DENND1A: variants seen among roughly 807,000 people sequenced by gnomAD.
DENND1A encodes DENN domain-containing protein 1A.
A neutral mutation model predicts 113.7 loss-of-function variants in DENND1A; 51 were observed. That is an observed-to-expected ratio of 0.45 (90% CI 0.36 to 0.57). The LOEUF (loss-of-function observed/expected upper bound fraction) is 0.57, where lower values mean the gene tolerates loss of function less well. Among genes scored for constraint, DENND1A ranks in the 20% least tolerant of loss-of-function variants. The probability of loss-of-function intolerance (pLI) is 0.00; values close to 1 mark genes in which losing one functional copy is unlikely to be tolerated. For synonymous variants in DENND1A, 565 were observed against 570.8 expected, an observed-to-expected ratio of 0.99 and a Z score of 0.14; for missense variants, 1,258 against 1,395.9, an observed-to-expected ratio of 0.90 and a Z score of 1.57.
intron 13 of DENND1A, among the ~76,000 whole-genome samples, chr9:123,542,015 C>T (rs2056325707): frequency 6.6e-6 from 1 of 152,208 alleles, no homozygotes; most frequent in Non-Finnish European, 1.5e-5. Flanking sequence ...ACTTTGCAAG[C>T]TTTCCTCTAC....
At position 123,452,352 on chromosome 9, in the gene DENND1A, A is replaced by G. The variant is rs1027928859; in HGVS notation, c.1228-5T>C. 3.1e-6 allele frequency: 5 copies of G among 1,613,834 alleles called. No individual in the cohort carries two copies. The highest frequency in any genetic ancestry group is 1.7e-5 in the Admixed American group (1 of 60,002). Reference sequence around the variant, plus strand: ...CAGAATTGCTCCACTTCCTTTCTATAATAAAAATGTCAATTAGCAATTTGG... The same window carrying G: ...CAGAATTGCTCCACTTCCTTTCTATGATAAAAATGTCAATTAGCAATTTGG... On this transcript the variant is annotated splice_polypyrimidine_tract_variant and splice_region_variant and intron_variant, in intron 16 of 23. Transcript: ENST00000394215.
At chr9:123,557,314 G>A (rs1470336309) in intron 13 of DENND1A, among the ~76,000 whole-genome samples, 2 of 152,196 alleles carry the variant, frequency 1.3e-5, no homozygotes, top group African/African-American at 2.4e-5. Context: ...TCTGACACGC[G>A]GTTGGGGCTT....
At chr9:123,769,461 T>C (rs1829367992) in intron 4 of DENND1A, 53 bp downstream of exon 4, 7 of 1,445,230 alleles carry the variant, frequency 4.8e-6, no homozygotes, top group Admixed American at 3.9e-5. Flanking sequence ...TTATTTTCTA[T>C]AGCAGGTTTA....
intron 9 of DENND1A, among the ~76,000 whole-genome samples, chr9:123,647,386 G>A (rs1404015035): frequency 4.6e-5 from 7 of 152,188 alleles, no homozygotes; most frequent in African/African-American, 1.7e-4. Flanking sequence ...GAGCCCAGCA[G>A]TGGCAACAAG....
chr9:123,873,503 T>C (rs1316313063), intron 2 of DENND1A, among the ~76,000 whole-genome samples: 1 of 152,210 alleles, frequency 6.6e-6, no homozygotes. Context: ...CTTTATCACC[T>C]CACATCTTTT....
intron 16 of DENND1A, 92 bp downstream of exon 16, chr9:123,454,647 C>T: frequency 1.5e-6 from 2 of 1,295,560 alleles, no homozygotes; most frequent in Non-Finnish European, 2.2e-6. Flanking sequence ...GAATGGAGTG[C>T]TCCAGGATGG....
intron 11 of DENND1A, among the ~76,000 whole-genome samples, chr9:123,595,625 C>T (rs898997294): frequency 6.6e-6 from 1 of 152,138 alleles, no homozygotes; most frequent in African/African-American, 2.4e-5. Context: ...GGGGTCCTGG[C>T]CTTTTCACTT....
intron 3 of DENND1A, among the ~76,000 whole-genome samples, chr9:123,788,306 AC>A (rs1832498930): frequency 6.6e-6 from 1 of 152,178 alleles, no homozygotes; most frequent in African/African-American, 2.4e-5. Flanking sequence ...TTAATTTCAA[AC>A]CATCCCATAC....
At chr9:123,623,466 G>A (rs752228628) in intron 10 of DENND1A, among the ~76,000 whole-genome samples, 5 of 152,182 alleles carry the variant, frequency 3.3e-5, no homozygotes, top group African/African-American at 9.6e-5. Context: ...GTTAATAAGA[G>A]ATAAGACTAA....
intron 1 of DENND1A, among the ~76,000 whole-genome samples, chr9:123,927,235 C>T (rs572896351): frequency 1.2e-4 from 19 of 152,210 alleles, no homozygotes; most frequent in South Asian, 2.1e-4. Context: ...TAGCAACTCA[C>T]GTGCTTTACC....
At chr9:123,392,544 G>T (rs111454114) in intron 21 of DENND1A, among the ~76,000 whole-genome samples, 1 of 152,138 alleles carries the variant, frequency 6.6e-6, no homozygotes, top group Admixed American at 6.5e-5. Flanking sequence ...CCCCCAGGGT[G>T]AGGCTAGGTC....
intron 6 of DENND1A, among the ~76,000 whole-genome samples, chr9:123,675,376 G>T (rs1036756487): frequency 3.3e-5 from 5 of 152,166 alleles, no homozygotes; most frequent in Non-Finnish European, 7.3e-5. Context: ...TTTCTCCAAT[G>T]CAAGACTTCG....
chr9:123,800,726 A>G (rs1834505075), intron 2 of DENND1A, among the ~76,000 whole-genome samples: 1 of 152,254 alleles, frequency 6.6e-6, no homozygotes, highest in African/African-American at 2.4e-5. Context: ...GGATATAAAT[A>G]AAATGACTCC....
chr9:123,756,760 A>G (rs984285614), intron 5 of DENND1A, among the ~76,000 whole-genome samples: 7 of 152,054 alleles, frequency 4.6e-5, no homozygotes, highest in Non-Finnish European at 1.0e-4. Context: ...TCAGTGGGGG[A>G]GTCTTTTCTT....
chr9:123,782,313 C>T (rs1276662130), intron 3 of DENND1A, among the ~76,000 whole-genome samples: 1 of 152,130 alleles, frequency 6.6e-6, no homozygotes, highest in Non-Finnish European at 1.5e-5. Flanking sequence ...AGATACTACA[C>T]AAAGAGGCAT....
At chr9:123,412,755 C>G (rs1042278479) in intron 19 of DENND1A, among the ~76,000 whole-genome samples, 3 of 152,176 alleles carry the variant, frequency 2.0e-5, no homozygotes, top group Admixed American at 6.5e-5. Flanking sequence ...TAAAAATTCA[C>G]GCGAGACCCA....
intron 2 of DENND1A, among the ~76,000 whole-genome samples, chr9:123,797,124 C>A (rs909420894): frequency 2.0e-5 from 3 of 152,138 alleles, no homozygotes; most frequent in African/African-American, 7.2e-5. Flanking sequence ...CAATAAGAGA[C>A]AAAATATTGA....
Position 123,383,806 on chromosome 9 carries a change from G to T in DENND1A, c.1868C>A (p.Pro623His). 1 of 1,614,000 alleles carries T rather than the reference G, an allele frequency of 6.2e-7. No individual in the cohort carries two copies. The highest frequency in any genetic ancestry group is 8.5e-7 in the Non-Finnish European group (1 of 1,180,038). The change falls in exon 23 of 24, where the codon CCT (proline) becomes CAT (histidine). Residue 623 changes from proline to histidine, a missense_variant. Pro to His is a moderately conservative substitution (Grantham distance 77). Around this residue, in one of 2 missense-constraint regions of DENND1A, gnomAD observed 1,159 missense variants for 1,231.7 expected, o/e 0.94. Transcript: ENST00000394215. ...RKSTGPVPAPPDRAASIDLLE... is the reference protein window; with the variant it reads ...RKSTGPVPAPHDRAASIDLLE... ...AAGGTCGATGCTGGCAGCCCGGTCA[G>T]GGGGAGCTGGGACAGGGCCTGTGGA...
intron 2 of DENND1A, among the ~76,000 whole-genome samples, chr9:123,860,134 C>T (rs1477892851): frequency 6.6e-6 from 1 of 152,176 alleles, no homozygotes; most frequent in African/African-American, 2.4e-5. Context: ...ACTTTATGCT[C>T]ATTTTAATCT....
Sources: allele counts gnomAD v4.1 joint callset (sites outside exome capture counted in the v4.1 genomes callset), GRCh38; gene constraint gnomAD v4.1.1; regional missense constraint gnomAD v4.1.1; transcripts MANE v1.5; gene names NCBI Gene and HGNC (gene_info 2026-07-23, HGNC 2026-07-21).